The following SHQ1 variants were observed in gnomAD, a reference collection of about 807,000 sequenced individuals.
The protein encoded by SHQ1 is SHQ1, H/ACA ribonucleoprotein assembly factor.
Under a neutral mutation model 53.8 loss-of-function variants are expected in SHQ1, and 49 were observed. The observed-to-expected ratio is 0.91, with a 90% confidence interval of 0.72 to 1.16. SHQ1 has a LOEUF of 1.16. Among genes scored for constraint, SHQ1 ranks in the 50% most tolerant of loss-of-function variants. SHQ1 has a pLI of 0.00. For synonymous variants in SHQ1, 243 were observed against 251.0 expected (o/e 0.97, Z 0.30); for missense variants, 738 against 683.1 (o/e 1.08, Z -0.90).
intron 4 of SHQ1, among the ~76,000 whole-genome samples, chr3:72,840,242 T>TAAAAAAAAAAAAAAAA (rs71623990): frequency 2.4e-4 from 22 of 93,532 alleles, no homozygotes; most frequent in East Asian, 9.3e-4. Flanking sequence ...GACTCTGTCT[T>TAAAAAAAAAAAAAAAA]AAAAAAAAAA....
At chr3:72,754,383 T>G (rs551553093) in intron 10 of SHQ1, among the ~76,000 whole-genome samples, 1 of 147,382 alleles carries the variant, frequency 6.8e-6, no homozygotes, top group Non-Finnish European at 1.5e-5. Context: ...TTTTTCTTCT[T>G]CTTTTTTTTT....
intron 10 of SHQ1, among the ~76,000 whole-genome samples, chr3:72,751,607 A>AG (rs1320973428): frequency 6.6e-6 from 1 of 150,834 alleles, no homozygotes; most frequent in Admixed American, 6.6e-5. Context: ...CAACAGAAAA[A>AG]TGGACAGAAG....
chr3:72,750,636 T>C lies in SHQ1; in HGVS notation c.1382A>G (p.Asp461Gly). The change falls in exon 11 of 11, where the codon GAC (aspartate) becomes GGC (glycine). Residue 461 changes from aspartate to glycine, a missense_variant. Asp to Gly is a moderately conservative substitution (Grantham distance 94, BLOSUM62 -1). Transcript: ENST00000325599. ...SSEASDSEDS[D>G]SSVSSGNEDS... is the part of the protein sequence containing the mutation. ...TTCGTTTCCAGATGACACGCTGCTG[T>C]CTGAGTCCTCCGAATCACTTGCCTC... is the stretch of plus-strand genomic sequence containing the variant. 1 of 1,614,164 alleles carries C rather than the reference T, an allele frequency of 6.2e-7. No individual in the cohort carries two copies. Among genetic ancestry groups the C allele is most frequent in the Non-Finnish European group, 8.5e-7 (1 of 1,179,990 alleles).
intron 2 of SHQ1, among the ~76,000 whole-genome samples, chr3:72,843,346 G>A (rs966648686): frequency 2.0e-5 from 3 of 152,122 alleles, no homozygotes; most frequent in African/African-American, 7.2e-5. Flanking sequence ...GGCTTAATAA[G>A]GTTTTCTGGC....
intron 5 of SHQ1, among the ~76,000 whole-genome samples, chr3:72,829,764 T>C (rs1707771193): frequency 6.6e-6 from 1 of 152,244 alleles, no homozygotes; most frequent in South Asian, 2.1e-4. Context: ...TTTTGTCCCT[T>C]TTCTTATCTC....
chr3:72,845,466 C>A lies in SHQ1; in HGVS notation c.144-1043G>T, dbSNP rs188379211. Among the ~76,000 whole-genome samples the A allele has an allele frequency of 1.7e-3, 262 of 149,742 alleles. 1 individual carries two copies. Among genetic ancestry groups the A allele is most frequent in the Non-Finnish European group, 3.2e-3 (216 of 67,694 alleles). ...TGCCACTGCACTCCAGCCTGGGCAA[C>A]AGAGTGAGATTCTGTGTCCAAAAAA... On this transcript the variant is annotated intron_variant, in intron 1 of 10. Transcript: ENST00000325599.
the SHQ1 span, among the ~76,000 whole-genome samples, chr3:72,739,492 A>G: frequency 6.6e-6 from 1 of 152,202 alleles, no homozygotes; most frequent in East Asian, 1.9e-4. Flanking sequence ...CAGAGAGGTA[A>G]AGATGGGGTT....
At chr3:72,839,918 G>T (rs1428374488) in intron 4 of SHQ1, among the ~76,000 whole-genome samples, 3 of 151,840 alleles carry the variant, frequency 2.0e-5, no homozygotes, top group Non-Finnish European at 2.9e-5. Flanking sequence ...GTGCCACCAT[G>T]CCTGGCTAAT....
chr3:72,775,204 AAGAG>A (rs371047351), intron 10 of SHQ1, among the ~76,000 whole-genome samples: 7 of 151,936 alleles, frequency 4.6e-5, no homozygotes, highest in Admixed American at 1.3e-4. Flanking sequence ...CAAAAAAACA[AAGAG>A]AGAGACAGCA....
intron 8 of SHQ1, 54 bp from the exon 9 acceptor site, chr3:72,812,848 A>G (rs1364012540): frequency 1.2e-6 from 2 of 1,603,324 alleles, no homozygotes; most frequent in Non-Finnish European, 1.7e-6. Context: ...TACACAAACA[A>G]AAGTACACAA....
intron 9 of SHQ1, among the ~76,000 whole-genome samples, chr3:72,800,464 A>T (rs1351243654): frequency 6.6e-6 from 1 of 152,222 alleles, no homozygotes; most frequent in Non-Finnish European, 1.5e-5. Context: ...GTTGGCCAAG[A>T]TCACAGCTAG....
chr3:72,807,074 C>G (rs188946538), intron 9 of SHQ1, among the ~76,000 whole-genome samples: 28 of 152,220 alleles, frequency 1.8e-4, no homozygotes, highest in Admixed American at 1.4e-3. Flanking sequence ...TTGAACAAAT[C>G]AATGAATAAA....
At chr3:72,828,512 T>A (rs375127611) in intron 5 of SHQ1, among the ~76,000 whole-genome samples, 2 of 152,176 alleles carry the variant, frequency 1.3e-5, no homozygotes, top group South Asian at 2.1e-4. Context: ...CTGGCCAACA[T>A]GGTGAAACTC....
At chr3:72,733,548 C>G in the SHQ1 span, among the ~76,000 whole-genome samples, 2 of 151,602 alleles carry the variant, frequency 1.3e-5, no homozygotes, top group African/African-American at 4.9e-5. Flanking sequence ...AGCTCCAGCC[C>G]CAAGCCTAGC....
Position 72,812,668 on chromosome 3 carries a change from T to C in SHQ1, c.1060+3A>G, listed in dbSNP as rs776648069. The C allele has an allele frequency of 1.2e-6, 2 of 1,613,834 alleles. No individual in the cohort carries two copies. Among genetic ancestry groups the C allele is most frequent in the African/African-American group, 1.3e-5 (1 of 75,054 alleles). ...CAAATTTGCAAGTACAGTAATATCT[T>C]ACCCAGTTGCAATATCTTTATAGTG... On this transcript the variant is annotated splice_donor_region_variant and intron_variant, in intron 9 of 10. Transcript: ENST00000325599.
rs1341201978 is a variant in SHQ1, at chr3:72,841,045, C to T, written c.486G>A (p.Gln162=). ...AAGATCTTTCAGAAAGACAACATAC[C>T]TGTAACCGTTGCAACACTCCTGATC... ...NLRSGVLQRL[Q]DELSDVIDIK... is the part of the protein sequence containing the mutation. Residue 162 remains glutamine, a splice_region_variant and synonymous_variant, in exon 4 of 11, where the codon CAG becomes CAA. Transcript: ENST00000325599. 1.2e-6 allele frequency: 2 copies of T among 1,608,272 alleles called. No homozygotes were observed. The highest frequency in any genetic ancestry group is 2.2e-5 in the South Asian group (2 of 89,380).
chr3:72,795,056 A>C (rs529493135), intron 9 of SHQ1: 1 of 152,226 alleles, frequency 6.6e-6, no homozygotes, highest in South Asian at 2.1e-4. Context: ...CATCCAGTCT[A>C]TATCACAACG....
chr3:72,783,849 T>C (rs1706144854), intron 10 of SHQ1, among the ~76,000 whole-genome samples: 1 of 152,142 alleles, frequency 6.6e-6, no homozygotes. Flanking sequence ...AGCTCTTGAA[T>C]AACCAAAATG....
chr3:72,822,408 TCTC>T (rs941861429), intron 6 of SHQ1, among the ~76,000 whole-genome samples: 7 of 152,058 alleles, frequency 4.6e-5, no homozygotes, highest in Admixed American at 2.0e-4. Context: ...AGTGGCTTGA[TCTC>T]CTGCTAAAAT....
Sources: gnomAD v4.1 joint callset for allele counts (sites outside exome capture counted in the v4.1 genomes callset) on GRCh38, gnomAD v4.1.1 for gene constraint, MANE v1.5 for transcripts, NCBI Gene and HGNC (gene_info 2026-07-23, HGNC 2026-07-21) for gene names.